LHFPL6: variants seen among roughly 807,000 people sequenced by gnomAD.
The protein encoded by LHFPL6 is LHFPL tetraspan subfamily member 6 protein.
Under a neutral mutation model 20.6 loss-of-function variants are expected in LHFPL6, and 9 were observed. The observed-to-expected ratio is 0.44, with a 90% CI of 0.26 to 0.76. The LOEUF is 0.76. Among genes scored for constraint, LHFPL6 ranks in the 30% least tolerant of loss-of-function variants. The pLI is 0.20. For missense variants in LHFPL6, 218 were observed against 253.5 expected (o/e 0.86, Z 0.95); for synonymous variants, 105 against 98.7 (o/e 1.06, Z -0.38).
chr13:39,579,302 T>C (rs932035713), intron 2 of LHFPL6, among the ~76,000 whole-genome samples: 5 of 152,162 alleles, frequency 3.3e-5, no homozygotes, highest in Non-Finnish European at 1.5e-5. Flanking sequence ...TTGAAACAAA[T>C]GTGATAGTGC....
In LHFPL6 at chr13:39,587,789, C is replaced by T. The variant is rs557146043; in HGVS notation, c.385+13043G>A. Among the ~76,000 whole-genome samples the T allele has an allele frequency of 2.0e-5, 3 of 152,056 alleles. No homozygotes were observed. The South Asian group carries it at 6.3e-4, about 32-fold the overall frequency. ...GTCCATTAGATAGGAGTGATATTGA[C>T]AGAAGATGGCATTACTAGTGATGAG... is the stretch of plus-strand genomic sequence containing the variant. On this transcript the variant is annotated intron_variant, in intron 2 of 3. Coordinates refer to ENST00000379589, the MANE Select transcript of LHFPL6 (RefSeq NM_005780.3).
At chr13:39,540,929 G>A (rs1870776983) in intron 2 of LHFPL6, among the ~76,000 whole-genome samples, 1 of 152,166 alleles carries the variant, frequency 6.6e-6, no homozygotes, top group Non-Finnish European at 1.5e-5. Flanking sequence ...ACTATAAAAT[G>A]TACATTTCAG....
chr13:39,525,866 C>CTT (rs11432667), intron 2 of LHFPL6, among the ~76,000 whole-genome samples: 35 of 149,356 alleles, frequency 2.3e-4, no homozygotes, highest in South Asian at 6.4e-4. Flanking sequence ...ATAATTTTTC[C>CTT]TTTTTTTTTT....
chr13:39,538,124 G>A (rs1870684468), intron 2 of LHFPL6, among the ~76,000 whole-genome samples: 1 of 151,400 alleles, frequency 6.6e-6, no homozygotes, highest in African/African-American at 2.4e-5. Context: ...CAAGTAGATG[G>A]GACAACAGGT....
At chr13:39,375,052 G>A (rs991456897) in intron 3 of LHFPL6, among the ~76,000 whole-genome samples, 7 of 152,218 alleles carry the variant, frequency 4.6e-5, no homozygotes, top group African/African-American at 9.7e-5. Context: ...AAAGAGACAC[G>A]TATTCTCCAA....
chr13:39,385,965 CT>C (rs956534210), intron 2 of LHFPL6, among the ~76,000 whole-genome samples: 46 of 151,414 alleles, frequency 3.0e-4, no homozygotes, highest in African/African-American at 1.1e-3. Flanking sequence ...AATGGAATGA[CT>C]TTTTCCACCC....
At chr13:39,436,225 G>A (rs186184861) in intron 2 of LHFPL6, among the ~76,000 whole-genome samples, 261 of 152,208 alleles carry the variant, frequency 1.7e-3, no homozygotes, top group Non-Finnish European at 2.7e-3. Context: ...AGGAGTACAT[G>A]CAGAAAGATC....
chr13:39,599,569 CA>C (rs1872868981), intron 2 of LHFPL6, among the ~76,000 whole-genome samples: 3 of 152,218 alleles, frequency 2.0e-5, no homozygotes, highest in South Asian at 4.2e-4. Flanking sequence ...GGTGCAAACC[CA>C]ATGGGAAAAA....
At chr13:39,461,213 A>G (rs1872680756) in intron 2 of LHFPL6, among the ~76,000 whole-genome samples, 1 of 152,300 alleles carries the variant, frequency 6.6e-6, no homozygotes, top group South Asian at 2.1e-4. Context: ...TATATGTACC[A>G]CACTTTCTTT....
At chr13:39,380,866 T>C (rs1246999736) in intron 2 of LHFPL6, among the ~76,000 whole-genome samples, 2 of 152,134 alleles carry the variant, frequency 1.3e-5, no homozygotes, top group Non-Finnish European at 2.9e-5. Flanking sequence ...TGCATGCTCC[T>C]TATGAGAATC....
chr13:39,380,681 T>A (rs1400619228), intron 2 of LHFPL6, among the ~76,000 whole-genome samples: 1 of 151,984 alleles, frequency 6.6e-6, no homozygotes, highest in East Asian at 1.9e-4. Flanking sequence ...TTAGTAGAGA[T>A]GGGGTTTCAC....
intron 2 of LHFPL6, among the ~76,000 whole-genome samples, chr13:39,592,471 C>T (rs928867234): frequency 2.0e-5 from 3 of 152,092 alleles, no homozygotes; most frequent in Admixed American, 6.5e-5. Flanking sequence ...GAAATTGAGG[C>T]AATAATTAAT....
intron 2 of LHFPL6, among the ~76,000 whole-genome samples, chr13:39,585,543 A>G (rs1328481831): frequency 2.6e-5 from 4 of 152,254 alleles, no homozygotes; most frequent in African/African-American, 9.6e-5. Context: ...TTAGGTCTCC[A>G]GACTAAAAGA....
chr13:39,601,015 A>T lies in LHFPL6; in HGVS notation c.202T>A (p.Cys68Ser). 1 of 1,614,134 alleles carries T rather than the reference A, an allele frequency of 6.2e-7. No individual in the cohort carries two copies. Among genetic ancestry groups the T allele is most frequent in the Non-Finnish European group, 8.5e-7 (1 of 1,180,022 alleles). The change falls in exon 2 of 4, where the codon TGT becomes AGT. Residue 68 changes from cysteine (C) to serine (S), a missense_variant. Physicochemically the swap from Cys to Ser is moderately radical, Grantham distance 112. Coordinates refer to ENST00000379589, the MANE Select transcript of LHFPL6 (RefSeq NM_005780.3). ...SRQMMVMVEE[C>S]GRYASFQGIP... ...CCCTGGAAGGAGGCATAGCGCCCAC[A>T]TTCCTCCACCATCACCATCATCTGC... is the stretch of plus-strand genomic sequence containing the variant.
At chr13:39,479,825 G>C (rs907865388) in intron 2 of LHFPL6, among the ~76,000 whole-genome samples, 9 of 152,132 alleles carry the variant, frequency 5.9e-5, no homozygotes, top group African/African-American at 1.9e-4. Context: ...AGAAAACATA[G>C]TTTAAAGGCA....
chr13:39,590,030 T>C (rs1339402129), intron 2 of LHFPL6, among the ~76,000 whole-genome samples: 1 of 152,196 alleles, frequency 6.6e-6, no homozygotes, highest in East Asian at 1.9e-4. Context: ...ACAAAAATTC[T>C]GATTTCTAAA....
At chr13:39,536,100 C>T (rs1288804685) in intron 2 of LHFPL6, among the ~76,000 whole-genome samples, 1 of 152,108 alleles carries the variant, frequency 6.6e-6, no homozygotes, top group African/African-American at 2.4e-5. Flanking sequence ...TTTGCCAGGT[C>T]ACAGCTCCAA....
chr13:39,518,965 G>A lies in LHFPL6; in HGVS notation c.385+81867C>T, dbSNP rs1870016947. Among the ~76,000 whole-genome samples, 3 of 152,234 alleles carry A rather than the reference G, an allele frequency of 2.0e-5. No homozygotes were observed. In the South Asian group the frequency reaches 6.2e-4, roughly 32 times the overall value. On this transcript the variant is annotated intron_variant, in intron 2 of 3. Transcript: ENST00000379589. Reference sequence around the variant, plus strand: ...AAACTCAGAGCCCAGGGCTAGGCATGGTGGCTCACACCTGTAATTCCAGAA... The same window carrying A: ...AAACTCAGAGCCCAGGGCTAGGCATAGTGGCTCACACCTGTAATTCCAGAA...
intron 2 of LHFPL6, among the ~76,000 whole-genome samples, chr13:39,531,341 A>G (rs1870459577): frequency 6.6e-6 from 1 of 152,200 alleles, no homozygotes; most frequent in African/African-American, 2.4e-5. Flanking sequence ...AATGAGCCTC[A>G]TTGTCTCCCT....
Sources: gnomAD v4.1 joint callset for allele counts (sites outside exome capture counted in the v4.1 genomes callset) on GRCh38, gnomAD v4.1.1 for gene constraint, MANE v1.5 for transcripts, NCBI Gene and HGNC (gene_info 2026-07-23, HGNC 2026-07-21) for gene names.